The following ACBD6 variants were observed in gnomAD, a reference collection of about 807,000 sequenced individuals.
ACBD6 encodes acyl-CoA binding domain containing 6.
Under a neutral mutation model 37.2 loss-of-function variants are expected in ACBD6, and 28 were observed. The observed-to-expected ratio is 0.75, with a 90% confidence interval of 0.56 to 1.03. ACBD6 has a LOEUF of 1.03. Ranked by LOEUF, ACBD6 falls within the 50% of genes least tolerant of loss-of-function variation. The pLI, the probability that ACBD6 is intolerant of heterozygous loss-of-function variation, is 0.00. For missense variants in ACBD6, 340 were observed against 337.4 expected (o/e 1.01, Z -0.06); for synonymous variants, 113 against 126.8 (o/e 0.89, Z 0.73).
At chr1:180,449,763 T>C (rs893604602) in intron 3 of ACBD6, among the ~76,000 whole-genome samples, 15 of 151,734 alleles carry the variant, frequency 9.9e-5, no homozygotes, top group African/African-American at 3.6e-4. Context: ...GGGCCTGTTG[T>C]AGGGTGGGGA....
chr1:180,422,834 G>T (rs1342865283), intron 4 of ACBD6, among the ~76,000 whole-genome samples: 5 of 152,170 alleles, frequency 3.3e-5, no homozygotes, highest in Admixed American at 2.6e-4. Context: ...TAGCGTCTTG[G>T]CATTTTAAGT....
At chr1:180,286,546 G>C (rs747396450), downstream of ACBD6, among the ~76,000 whole-genome samples, 2 of 152,148 alleles carry the variant, frequency 1.3e-5, no homozygotes, top group Non-Finnish European at 2.9e-5. Flanking sequence ...TATAACTAAT[G>C]TATGTTTCTT....
At chr1:180,462,232 G>A (rs11487431) in intron 3 of ACBD6, among the ~76,000 whole-genome samples, 16,334 of 151,852 alleles carry the variant, frequency 0.11, 1,287 homozygotes, top group African/African-American at 0.21. Context: ...GTGAGACTCC[G>A]TCTCAAAAAT....
chr1:180,303,751 T>A (rs1413096747), intron 7 of ACBD6, among the ~76,000 whole-genome samples: 1 of 150,872 alleles, frequency 6.6e-6, no homozygotes, highest in African/African-American at 2.4e-5. Flanking sequence ...CCCTAACTCA[T>A]TTTATGAGGC....
intron 4 of ACBD6, among the ~76,000 whole-genome samples, chr1:180,427,154 A>G (rs1299563772): frequency 1.3e-5 from 2 of 152,192 alleles, no homozygotes; most frequent in Non-Finnish European, 1.5e-5. Context: ...TACAATACAC[A>G]TTCGTCAGAA....
intron 4 of ACBD6, among the ~76,000 whole-genome samples, chr1:180,424,699 G>A (rs72714883): frequency 0.051 from 7,807 of 152,050 alleles, 253 homozygotes; most frequent in South Asian, 0.089. Context: ...ATGGGAAGAA[G>A]AGAAAGAAAA....
At chr1:180,395,989 T>G (rs1167574785) in intron 6 of ACBD6, among the ~76,000 whole-genome samples, 1 of 152,170 alleles carries the variant, frequency 6.6e-6, no homozygotes, top group Non-Finnish European at 1.5e-5. Context: ...TTTTGACACA[T>G]GCAACCACAT....
intron 5 of ACBD6, among the ~76,000 whole-genome samples, chr1:180,407,226 C>T (rs1647663139): frequency 6.6e-6 from 1 of 152,206 alleles, no homozygotes; most frequent in African/African-American, 2.4e-5. Context: ...GAGAACCCAA[C>T]TGAATTCTTG....
chr1:180,388,901 AG>A (rs1421742352), intron 6 of ACBD6, among the ~76,000 whole-genome samples: 1 of 152,252 alleles, frequency 6.6e-6, no homozygotes, highest in East Asian at 1.9e-4. Context: ...ATCAAATGAA[AG>A]AAATTAAATA....
intron 6 of ACBD6, among the ~76,000 whole-genome samples, chr1:180,363,284 AATTC>A (rs1384358897): frequency 6.6e-6 from 1 of 152,212 alleles, no homozygotes; most frequent in Non-Finnish European, 1.5e-5. Context: ...GTGAGGAAAG[AATTC>A]ATTATGTACA....
At chr1:180,451,285 T>C (rs934336157) in intron 3 of ACBD6, among the ~76,000 whole-genome samples, 6 of 152,222 alleles carry the variant, frequency 3.9e-5, no homozygotes, top group African/African-American at 1.2e-4. Flanking sequence ...GACAGGACTA[T>C]AAAATGTTGT....
Position 180,414,242 on chromosome 1 carries a change from T to C in ACBD6, c.468-771A>G, listed in dbSNP as rs147950868. On this transcript the variant is annotated intron_variant, in intron 4 of 7. Transcript: ENST00000367595. ...AAAGAATCAGTGACTCCCATAACGA[T>C]CAGTAATTTAGAATATCAACAATCA... Among the ~76,000 whole-genome samples the C allele has an allele frequency of 6.2e-4, 95 of 152,318 alleles. No individual in the cohort carries two copies. The East Asian group carries it at 0.017, about 27-fold the overall frequency.
intron 3 of ACBD6, among the ~76,000 whole-genome samples, chr1:180,455,098 T>C (rs991385860): frequency 6.6e-6 from 1 of 152,150 alleles, no homozygotes; most frequent in East Asian, 1.9e-4. Flanking sequence ...CTATTCACAA[T>C]AGCAAAGACT....
At chr1:180,274,206 T>A in intron 10 of ACBD6, 1 of 1,614,222 alleles carries the variant, frequency 6.2e-7, no homozygotes, top group African/African-American at 1.3e-5. Context: ...CTCTCAGAAC[T>A]TGGCCACACC....
At chr1:180,399,251 T>C (rs1647242824) in intron 5 of ACBD6, among the ~76,000 whole-genome samples, 1 of 152,084 alleles carries the variant, frequency 6.6e-6, no homozygotes, top group Non-Finnish European at 1.5e-5. Context: ...CAGAGCCCAC[T>C]AGGAGTTATT....
chr1:180,277,878 G>GA, intron 9 of ACBD6: 1 of 9,470 alleles, frequency 1.1e-4, no homozygotes, highest in East Asian at 0.083. Context: ...AACTTTTTTT[G>GA]GGGGGGGGCA....
intron 6 of ACBD6, among the ~76,000 whole-genome samples, chr1:180,325,687 C>G (rs747608819): frequency 3.3e-5 from 5 of 152,072 alleles, no homozygotes; most frequent in Non-Finnish European, 7.4e-5. Context: ...AATTTGGGCA[C>G]GTTTGTGCCC....
At chr1:180,435,783 G>C (rs1346023198) in intron 3 of ACBD6, 1 of 886,568 alleles carries the variant, frequency 1.1e-6, no homozygotes, top group Non-Finnish European at 1.9e-6. Flanking sequence ...GACTCTGACA[G>C]CTGCTTCTCG....
chr1:180,332,859 T>A (rs1651539528), intron 6 of ACBD6, among the ~76,000 whole-genome samples: 1 of 152,186 alleles, frequency 6.6e-6, no homozygotes, highest in Admixed American at 6.5e-5. Flanking sequence ...GTTAGATAAA[T>A]GACCTTTTCT....
Sources: allele counts gnomAD v4.1 joint callset (sites outside exome capture counted in the v4.1 genomes callset), GRCh38; gene constraint gnomAD v4.1.1; transcripts MANE v1.5; gene names NCBI Gene and HGNC (gene_info 2026-07-23, HGNC 2026-07-21).